Variants in IL22RA2 observed in about 807,000 individuals in gnomAD.
The protein encoded by IL22RA2 is interleukin-22 receptor subunit alpha-2.
IL22RA2 carries 39 observed loss-of-function variants against 30.7 expected under a neutral mutation model. That is an observed-to-expected ratio of 1.27 (90% CI 0.98 to 1.66). The LOEUF is 1.66. Among genes scored for constraint, IL22RA2 ranks in the 40% most tolerant of loss-of-function variants. The pLI is 0.00. For missense variants in IL22RA2, 315 were observed against 312.7 expected (o/e 1.01, Z -0.05); for synonymous variants, 103 against 105.0 (o/e 0.98, Z 0.11).
At chr6:137,149,097 G>A (rs1294132894) in intron 5 of IL22RA2, among the ~76,000 whole-genome samples, 1 of 151,980 alleles carries the variant, frequency 6.6e-6, no homozygotes, top group South Asian at 2.1e-4. Context: ...CTACCTCTTT[G>A]GCTATTCCTT....
chr6:137,160,511 G>A (rs1778500586), intron 2 of IL22RA2, among the ~76,000 whole-genome samples: 1 of 152,192 alleles, frequency 6.6e-6, no homozygotes, highest in African/African-American at 2.4e-5. Flanking sequence ...CAAGAGCAAA[G>A]CCATGGGAGA....
intron 3 of IL22RA2, among the ~76,000 whole-genome samples, chr6:137,157,699 G>A (rs1377589900): frequency 1.4e-5 from 2 of 145,592 alleles, no homozygotes; most frequent in Non-Finnish European, 1.5e-5. Flanking sequence ...AGAAATATAT[G>A]AGTGGAAAAA....
Position 137,156,871 on chromosome 6 carries a change from G to C in IL22RA2, c.198-17C>G, listed in dbSNP as rs770385554. ...GAGAACATGCTAGAGAAGGTCAATG[G>C]GGAAAACAGATCGTGTGAAGAGGCC... On this transcript the variant is annotated splice_polypyrimidine_tract_variant and intron_variant, in intron 3 of 6. Transcript: ENST00000296980. 8 of 1,600,952 alleles carry C rather than the reference G, an allele frequency of 5.0e-6. No individual in the cohort carries two copies. The East Asian group carries it at 1.6e-4, about 31-fold the overall frequency.
chr6:137,155,063 G>A lies in IL22RA2; in HGVS notation c.350C>T (p.Ser117Phe), dbSNP rs1175924229. ...TGAGGTTTCACTGGTAAGGTCACAA[G>A]AGAGTTCTTGAGTACCCCAACAGTC... is the stretch of plus-strand genomic sequence containing the variant. ...KEDCWGTQEL[S>F]CDLTSETSDI... The change falls in exon 5 of 7, where the codon TCT becomes TTT. Residue 117 changes from serine (S) to phenylalanine (F), a missense_variant. Transcript: ENST00000296980. 1.2e-6 allele frequency: 2 copies of A among 1,612,904 alleles called. No homozygotes were observed. The highest frequency in any genetic ancestry group is 2.2e-5 in the East Asian group (1 of 44,868).
At chr6:137,158,533 G>A (rs1213284702) in intron 2 of IL22RA2, 51 bp from the exon 3 acceptor site, 2 of 1,592,594 alleles carry the variant, frequency 1.3e-6, no homozygotes, top group East Asian at 4.5e-5. Flanking sequence ...GAGCACTGCT[G>A]TTCCCAGCAG....
intron 1 of IL22RA2, among the ~76,000 whole-genome samples, chr6:137,171,573 A>G (rs1347993237): frequency 6.6e-6 from 1 of 151,998 alleles, no homozygotes; most frequent in Admixed American, 6.6e-5. Flanking sequence ...TCAAGTGTAG[A>G]CCCTCCATCC....
In IL22RA2 at chr6:137,159,921, G is replaced by A. The variant is rs987953841; in HGVS notation, c.62-1439C>T. ...AGACTTGTTATTTTCAAATGAACAA[G>A]ACTGTTTCCTCAGGCCTTTCTTCTT... On this transcript the variant is annotated intron_variant, in intron 2 of 6. Transcript: ENST00000296980. Among the ~76,000 whole-genome samples, 37 of 152,220 alleles carry A rather than the reference G, an allele frequency of 2.4e-4. 1 individual carries two copies. Among genetic ancestry groups the A allele is most frequent in the Admixed American group, 2.0e-4 (3 of 15,282 alleles).
In IL22RA2 at chr6:137,144,327, T is replaced by C. The variant is rs552886939; in HGVS notation, c.*1297A>G. On this transcript the variant is annotated 3_prime_UTR_variant, in exon 7 of 7. Coordinates refer to ENST00000296980, the MANE Select transcript of IL22RA2 (RefSeq NM_052962.3). ...CTCCACCCCCCAATACATTTCTGAA[T>C]ATTTTTTAATCCATTTATCACTGAG... The C allele has an allele frequency of 6.5e-4, 99 of 152,324 alleles. 1 individual carries two copies. Among genetic ancestry groups the C allele is most frequent in the African/African-American group, 2.4e-3 (98 of 41,568 alleles). The allele number at this position is 152,324 out of a possible 1,614,324, so 9.4% of individuals were successfully genotyped here.
At chr6:137,148,735 T>C (rs1778228951) in intron 5 of IL22RA2, among the ~76,000 whole-genome samples, 1 of 152,216 alleles carries the variant, frequency 6.6e-6, no homozygotes, top group African/African-American at 2.4e-5. Context: ...TTTGGAACCA[T>C]AAGTTTTTAA....
chr6:137,154,537 C>T (rs889494094), intron 5 of IL22RA2, among the ~76,000 whole-genome samples: 4 of 152,116 alleles, frequency 2.6e-5, no homozygotes, highest in African/African-American at 9.7e-5. Flanking sequence ...ATCGCTTGAA[C>T]CCGGGATGCA....
At chr6:137,160,028 A>C (rs1778489364) in intron 2 of IL22RA2, among the ~76,000 whole-genome samples, 1 of 152,224 alleles carries the variant, frequency 6.6e-6, no homozygotes, top group South Asian at 2.1e-4. Flanking sequence ...CAGTGCATCA[A>C]ATGGTGTTGT....
intron 5 of IL22RA2, among the ~76,000 whole-genome samples, chr6:137,151,791 A>G (rs765114226): frequency 2.6e-5 from 4 of 152,250 alleles, no homozygotes; most frequent in Non-Finnish European, 4.4e-5. Flanking sequence ...CAATAAGCAT[A>G]AAACAGAAGC....
chr6:137,159,772 C>G (rs969165405), intron 2 of IL22RA2, among the ~76,000 whole-genome samples: 20 of 152,190 alleles, frequency 1.3e-4, no homozygotes, highest in Admixed American at 3.3e-4. Context: ...TCCTGGTCTG[C>G]TCTTCCCCTG....
chr6:137,146,097 T>C (rs2114343347), intron 6 of IL22RA2, among the ~76,000 whole-genome samples: 1 of 152,338 alleles, frequency 6.6e-6, no homozygotes, highest in African/African-American at 2.4e-5. Flanking sequence ...AGTGTCACCA[T>C]CTCGGCTCAC....
chr6:137,165,498 G>T (rs1025301129), intron 1 of IL22RA2, among the ~76,000 whole-genome samples: 1 of 152,208 alleles, frequency 6.6e-6, no homozygotes, highest in Non-Finnish European at 1.5e-5. Context: ...AGGCAGACTT[G>T]CTGGCGGTGG....
intron 2 of IL22RA2, among the ~76,000 whole-genome samples, chr6:137,160,880 G>A (rs1419066513): frequency 5.3e-5 from 8 of 152,202 alleles, no homozygotes; most frequent in Non-Finnish European, 1.5e-5. Flanking sequence ...AAGTACCAGA[G>A]TCTTCTCAAA....
intron 5 of IL22RA2, among the ~76,000 whole-genome samples, chr6:137,153,471 A>G (rs908233925): frequency 2.0e-5 from 3 of 152,206 alleles, no homozygotes; most frequent in African/African-American, 7.2e-5. Context: ...TACAAGAAGT[A>G]GAAGTGGGAG....
intron 1 of IL22RA2, among the ~76,000 whole-genome samples, chr6:137,170,415 A>G (rs1234170096): frequency 6.6e-6 from 1 of 152,200 alleles, no homozygotes; most frequent in Non-Finnish European, 1.5e-5. Flanking sequence ...GACCTTATCT[A>G]TACTCCCCAA....
intron 5 of IL22RA2, 66 bp from the exon 6 acceptor site, chr6:137,147,957 T>C (rs1229017324): frequency 3.5e-6 from 5 of 1,415,288 alleles, no homozygotes; most frequent in Non-Finnish European, 4.9e-6. Flanking sequence ...ACGCATTATG[T>C]ATAATGACAA....
Sources: gnomAD v4.1 joint callset for allele counts (sites outside exome capture counted in the v4.1 genomes callset) on GRCh38, gnomAD v4.1.1 for gene constraint, MANE v1.5 for transcripts, NCBI Gene and HGNC (gene_info 2026-07-23, HGNC 2026-07-21) for gene names.